XPO6: variants seen among roughly 807,000 people sequenced by gnomAD.
XPO6 encodes the protein exportin 6.
A neutral mutation model predicts 130.0 loss-of-function variants in XPO6; 3 were observed. The ratio of observed to expected loss-of-function variants is 0.02; its 90% CI spans 0.01 to 0.06. XPO6 has a LOEUF of 0.06. Among genes scored for constraint, XPO6 ranks in the 10% least tolerant of loss-of-function variants. The pLI, the probability that XPO6 is intolerant of heterozygous loss-of-function variation, is 1.00. For synonymous variants in XPO6, 524 were observed against 548.9 expected (o/e 0.95, Z 0.63); for missense variants, 970 against 1,393.0 (o/e 0.70, Z 4.83).
At chr16:28,103,371 C>T (rs766635119) in intron 21 of XPO6, among the ~76,000 whole-genome samples, 8 of 152,194 alleles carry the variant, frequency 5.3e-5, no homozygotes, top group Admixed American at 2.6e-4. Flanking sequence ...CATGCACGAG[C>T]CTGTTCATCC....
intron 1 of XPO6, among the ~76,000 whole-genome samples, chr16:28,210,755 A>C (rs139664967): frequency 1.3e-5 from 2 of 152,232 alleles, no homozygotes; most frequent in Admixed American, 6.5e-5. Context: ...CAGTGTCAAA[A>C]GATCACGACC....
intron 7 of XPO6, chr16:28,154,169 C>T (rs770489986): frequency 1.9e-5 from 19 of 981,576 alleles, no homozygotes; most frequent in Non-Finnish European, 2.3e-5. Context: ...ACTTATGTAC[C>T]GCATGATAGT....
At chr16:28,109,009 C>G (rs2086851286) in intron 17 of XPO6, among the ~76,000 whole-genome samples, 2 of 152,218 alleles carry the variant, frequency 1.3e-5, no homozygotes, top group Admixed American at 1.3e-4. Flanking sequence ...TCCACAACTA[C>G]AAGCACATGG....
intron 9 of XPO6, among the ~76,000 whole-genome samples, chr16:28,138,276 T>G (rs2042820098): frequency 2.0e-5 from 3 of 152,298 alleles, no homozygotes; most frequent in Admixed American, 6.5e-5. Flanking sequence ...TATAAATTGC[T>G]GTGACAGATC....
At chr16:28,113,094 G>A (rs774552568) in intron 15 of XPO6, 44 bp from the exon 16 acceptor site, 1 of 1,591,760 alleles carries the variant, frequency 6.3e-7, no homozygotes, top group Non-Finnish European at 8.6e-7. Context: ...ATCCCTGTAA[G>A]ACTGGGATTC....
chr16:28,156,615 TATATGTATAC>T, intron 6 of XPO6, 88 bp from the exon 7 acceptor site: 14 of 822,246 alleles, frequency 1.7e-5, no homozygotes, highest in South Asian at 9.6e-5. Flanking sequence ...AATATATATA[TATATGTATAC>T]ATATATGTAT....
At chr16:28,181,285 A>G (rs2043610253) in intron 1 of XPO6, among the ~76,000 whole-genome samples, 1 of 152,248 alleles carries the variant, frequency 6.6e-6, no homozygotes, top group South Asian at 2.1e-4. Context: ...GTATGCTAAG[A>G]AAAGGGGAAA....
chr16:28,204,666 G>A (rs890306292), intron 1 of XPO6, among the ~76,000 whole-genome samples: 1 of 152,154 alleles, frequency 6.6e-6, no homozygotes, highest in Non-Finnish European at 1.5e-5. Context: ...AAGGCACTAA[G>A]TTCGAGGCCT....
At chr16:28,148,064 G>A (rs964917732) in intron 8 of XPO6, among the ~76,000 whole-genome samples, 2 of 152,174 alleles carry the variant, frequency 1.3e-5, no homozygotes, top group African/African-American at 4.8e-5. Context: ...CAATCACCAA[G>A]GTTATCCCTC....
Position 28,130,647 on chromosome 16 carries a change from G to A in XPO6, c.1606+1687C>T, listed in dbSNP as rs146027452. 1.5e-3 allele frequency among the ~76,000 whole-genome samples: 234 copies of A among 152,342 alleles called. 2 individuals are homozygous for A. Among genetic ancestry groups the A allele is most frequent in the African/African-American group, 5.0e-3 (208 of 41,584 alleles). On this transcript the variant is annotated intron_variant, in intron 12 of 23. Coordinates refer to ENST00000304658, the MANE Select transcript of XPO6 (RefSeq NM_015171.4). ...CCACTGGAGTACAAGCCAAGGATCA[G>A]TGCTGAGGATGAGATTTATAAATGA...
At chr16:28,162,334 G>A (rs886172463) in intron 6 of XPO6, among the ~76,000 whole-genome samples, 5 of 152,280 alleles carry the variant, frequency 3.3e-5, no homozygotes, top group South Asian at 2.1e-4. Context: ...AAATTACACC[G>A]TAATCAAAGT....
intron 1 of XPO6, among the ~76,000 whole-genome samples, chr16:28,189,237 C>T (rs901279092): frequency 1.4e-5 from 2 of 144,766 alleles, no homozygotes; most frequent in East Asian, 2.1e-4. Context: ...CGAGCCACCG[C>T]GCCCAGCTGA....
At position 28,099,685 on chromosome 16, in the gene XPO6, T is replaced by C. The variant is rs2086614446; in HGVS notation, c.3277-1046A>G. Among the ~76,000 whole-genome samples the C allele has an allele frequency of 2.6e-5, 4 of 152,242 alleles. No individual in the cohort carries two copies. The South Asian group carries it at 8.3e-4, about 32-fold the overall frequency. ...TAGAAGGCTTACTCGAGCCAAGACA[T>C]GTCACATGCTTGGCACTATGTGGTC... On this transcript the variant is annotated intron_variant, in intron 23 of 23. Transcript: ENST00000304658.
chr16:28,134,159 T>C (rs1007828019), intron 10 of XPO6, among the ~76,000 whole-genome samples: 1 of 152,166 alleles, frequency 6.6e-6, no homozygotes, highest in African/African-American at 2.4e-5. Context: ...TAAGCTATTT[T>C]CCCCCCTTTG....
intron 23 of XPO6, among the ~76,000 whole-genome samples, chr16:28,100,564 A>G (rs1211442636): frequency 6.6e-6 from 1 of 152,270 alleles, no homozygotes; most frequent in Non-Finnish European, 1.5e-5. Flanking sequence ...CAGTGAGAGC[A>G]GTGTGTGCAT....
intron 6 of XPO6, among the ~76,000 whole-genome samples, chr16:28,157,441 G>T (rs1156290395): frequency 6.6e-6 from 1 of 152,052 alleles, no homozygotes; most frequent in Non-Finnish European, 1.5e-5. Context: ...GGCATCAAGA[G>T]CGAAACTCCA....
chr16:28,150,291 A>C (rs1251720332), intron 8 of XPO6, among the ~76,000 whole-genome samples: 2 of 152,206 alleles, frequency 1.3e-5, no homozygotes, highest in Non-Finnish European at 2.9e-5. Flanking sequence ...AGAGGAGGAA[A>C]GAAGCTTGTG....
chr16:28,147,607 T>C (rs749123821), intron 8 of XPO6, among the ~76,000 whole-genome samples: 3 of 152,114 alleles, frequency 2.0e-5, no homozygotes, highest in Admixed American at 6.5e-5. Context: ...CGACATGAAG[T>C]GAACCAGGAG....
intron 1 of XPO6, among the ~76,000 whole-genome samples, chr16:28,199,535 C>T (rs941127682): frequency 5.3e-5 from 8 of 152,050 alleles, no homozygotes; most frequent in South Asian, 2.1e-4. Context: ...CCTCGGCCTC[C>T]CAAAGTGCTG....
Sources: allele counts gnomAD v4.1 joint callset (sites outside exome capture counted in the v4.1 genomes callset), GRCh38; gene constraint gnomAD v4.1.1; transcripts MANE v1.5; gene names NCBI Gene and HGNC (gene_info 2026-07-23, HGNC 2026-07-21).